The following MEGF8 variants were observed in gnomAD, a reference collection of about 807,000 sequenced individuals.
MEGF8 encodes multiple EGF like domains 8, also known as multiple epidermal growth factor-like domains protein 8.
MEGF8 carries 156 observed loss-of-function variants against 302.9 expected under a neutral mutation model. That is an observed-to-expected ratio of 0.52 (90% CI 0.45 to 0.59). MEGF8 has a LOEUF of 0.59. MEGF8 is among the 20% of genes least tolerant of loss of function. The pLI is 0.00. For synonymous variants in MEGF8, 1,621 were observed against 1,660.5 expected, an observed-to-expected ratio of 0.98 and a Z score of 0.58; for missense variants, 3,345 against 3,964.5, an observed-to-expected ratio of 0.84 and a Z score of 4.20.
chr19:42,370,976 CCAGGCTGGGGT>C, intron 40 of MEGF8, 145 bp downstream of exon 40: 1 of 586,860 alleles, frequency 1.7e-6, no homozygotes, highest in Admixed American at 2.8e-5. Flanking sequence ...CAGGGAGCGC[CCAGGCTGGGGT>C]CAGGGTAGGG....
In MEGF8 at chr19:42,368,376, G is replaced by A. The variant is rs1015897139; in HGVS notation, c.6274-79G>A. Reference sequence around the variant, plus strand: ...CCTCAAAGAGGGTGTGGTCTGGGAAGATACCCAGAATGTGTTTGTTTAAGC... The same window carrying A: ...CCTCAAAGAGGGTGTGGTCTGGGAAAATACCCAGAATGTGTTTGTTTAAGC... On this transcript the variant is annotated intron_variant, in intron 35 of 41. Transcript: ENST00000251268. This position sits in a 1 kb window ranked among gnomAD's most constrained non-coding sequence, Gnocchi z 4.9. The A allele has an allele frequency of 4.4e-5, 57 of 1,281,370 alleles. No individual in the cohort carries two copies. The African/African-American group carries it at 6.7e-4, about 15-fold the overall frequency. The allele number at this position is 1,281,370 out of a possible 1,614,324, so 79.4% of individuals were successfully genotyped here.
intron 1 of MEGF8, among the ~76,000 whole-genome samples, chr19:42,331,568 ATTTCT>A (rs2147442763): frequency 6.7e-6 from 1 of 149,266 alleles, no homozygotes; most frequent in African/African-American, 2.5e-5. Flanking sequence ...CATTGTCAAC[ATTTCT>A]TTTTTTTTTT....
At position 42,350,146 on chromosome 19, in the gene MEGF8, A is replaced by G. The variant is rs780968446; in HGVS notation, c.2500-2A>G. On this transcript the variant is annotated splice_acceptor_variant, in intron 14 of 41. Coordinates refer to ENST00000251268, the MANE Select transcript of MEGF8 (RefSeq NM_001271938.2). LOFTEE classifies it high-confidence loss of function. ...GCTGCCTTCCTGTGACCCCTTCCCC[A>G]GGAGATCTCCTTCTTCTTCCTGGAG... The G allele has an allele frequency of 6.3e-7, 1 of 1,594,858 alleles. No homozygotes were observed. The highest frequency in any genetic ancestry group is 1.1e-5 in the South Asian group (1 of 90,444).
intron 41 of MEGF8, among the ~76,000 whole-genome samples, chr19:42,371,809 A>G (rs11882801): frequency 2.0e-5 from 3 of 152,100 alleles, no homozygotes; most frequent in African/African-American, 7.2e-5. Context: ...TGGGCTGGGC[A>G]TGGTTGCTCA....
chr19:42,357,728 CTTGAATG>C lies in MEGF8; in HGVS notation c.5011+147_5011+153del. On this transcript the variant is annotated intron_variant, in intron 28 of 41. Transcript: ENST00000251268. The surrounding 1 kb of genome is among the most constrained non-coding windows in gnomAD (Gnocchi z 5.2). ...CCCATGCAGATTCTCAGGGCACCCTCTTGAATGTTCAGATTTTCTGACTGTCCTTCCC... is the reference window on the plus strand; with the variant it reads ...CCCATGCAGATTCTCAGGGCACCCTCTTCAGATTTTCTGACTGTCCTTCCC... 1 of 790,042 alleles carries C rather than the reference CTTGAATG, an allele frequency of 1.3e-6. No individual in the cohort carries two copies. The highest frequency in any genetic ancestry group is 2.0e-6 in the Non-Finnish European group (1 of 507,998). The allele number at this position is 790,042 out of a possible 1,614,324, so 48.9% of individuals were successfully genotyped here. A position where few individuals can be genotyped will look rare whatever the true frequency, so the allele number is the denominator to read the frequency against.
intron 40 of MEGF8, 143 bp downstream of exon 40, chr19:42,370,974 G>A (rs1400690306): frequency 3.4e-5 from 20 of 590,446 alleles, no homozygotes; most frequent in Middle Eastern, 4.5e-4. Context: ...CCCAGGGAGC[G>A]CCCAGGCTGG....
chr19:42,335,920 C>T lies in MEGF8; in HGVS notation c.829-11C>T, dbSNP rs568442962. 1.5e-5 allele frequency: 22 copies of T among 1,455,986 alleles called. No homozygotes were observed. In the East Asian group the frequency reaches 2.7e-4, roughly 18 times the overall value. The allele number at this position is 1,455,986 out of a possible 1,614,324, so 90.2% of individuals were successfully genotyped here. A position where few individuals can be genotyped will look rare whatever the true frequency, so the allele number is the denominator to read the frequency against. ...GTGTCTCTACCTCTGTCTCTTTTCT[C>T]TTCCTCACAGGCTGCCCGTCACTCC... On this transcript the variant is annotated splice_polypyrimidine_tract_variant and intron_variant, in intron 5 of 41. Transcript: ENST00000251268.
At chr19:42,362,297 C>A in intron 33 of MEGF8, 84 bp downstream of exon 33, 2 of 1,609,436 alleles carry the variant, frequency 1.2e-6, no homozygotes, top group Non-Finnish European at 1.7e-6. Context: ...GCTGTCCCAC[C>A]CACCCCAGGG....
chr19:42,368,557 CAG>C lies in MEGF8; in HGVS notation c.6377_6378del (p.Gln2126LeufsTer34). On this transcript the variant is annotated frameshift_variant, in exon 36 of 42. Coordinates refer to ENST00000251268, the MANE Select transcript of MEGF8 (RefSeq NM_001271938.2). LOFTEE classifies it high-confidence loss of function. The surrounding 1 kb of genome is among the most constrained non-coding windows in gnomAD (Gnocchi z 4.9). ...SCSLGCAQAT[Q>X]CALCLRRPHC... The stretch of plus-strand genomic sequence containing the variant: ...CTCCCTGGGCTGTGCTCAGGCAACT[CAG>C]TGCGCCTTGTGCCTGCGGCGCCCCC... The C allele has an allele frequency of 6.3e-7, 1 of 1,598,476 alleles. No individual in the cohort carries two copies. Among genetic ancestry groups the C allele is most frequent in the Non-Finnish European group, 8.5e-7 (1 of 1,173,300 alleles).
At position 42,376,736 on chromosome 19, in the gene MEGF8, A is replaced by G; in HGVS notation, c.8499A>G (p.Gly2833=). The G allele has an allele frequency of 6.8e-7, 1 of 1,473,886 alleles. No homozygotes were observed. The highest frequency in any genetic ancestry group is 1.4e-5 in the South Asian group (1 of 73,508). 91.3% of individuals were successfully genotyped at this position (1,473,886 alleles called of 1,614,324 possible). Residue 2833 remains glycine (G), a synonymous_variant, in exon 42 of 42, where the codon GGA becomes GGG. Coordinates refer to ENST00000251268, the MANE Select transcript of MEGF8 (RefSeq NM_001271938.2). The surrounding 1 kb of genome is among the most constrained non-coding windows in gnomAD (Gnocchi z 8.2). ...ATGGGACTGGTGCGGGCCGGAAGGG[A>G]CTGTTGAGCCAGGACAACCTCACCA... The part of the protein sequence containing the change: ...SGHGTGAGRK[G]LLSQDNLTSM...
rs1344311209 is a variant in MEGF8 at position 42,371,482 on chromosome 19, G to A, written c.7269G>A (p.Gln2423=). Residue 2423 remains glutamine (Q), a splice_region_variant and synonymous_variant, in exon 41 of 42, where the codon CAG becomes CAA. Coordinates refer to ENST00000251268, the MANE Select transcript of MEGF8 (RefSeq NM_001271938.2). ...ACCGTCGAGACTGCTACAAGTACCAGGTGCGGCTGCAGAAGCTAGTGGTGG... is the reference window on the plus strand; with the variant it reads ...ACCGTCGAGACTGCTACAAGTACCAAGTGCGGCTGCAGAAGCTAGTGGTGG... ...PSDRRDCYKY[Q]CAKCRESFHG... The A allele has an allele frequency of 6.2e-7, 1 of 1,613,832 alleles. No individual in the cohort carries two copies. The highest frequency in any genetic ancestry group is 8.5e-7 in the Non-Finnish European group (1 of 1,179,878).
rs1171891431 is a variant in MEGF8, at chr19:42,376,637, G to A, written c.8400G>A (p.Gly2800=). ...ATGCACCCAACGGCGCCTGCCTGGG[G>A]TCAGCCCTCGTCACACTGCGGCACA... The part of the protein sequence containing the change: ...GPHAPNGACL[G]SALVTLRHRL... Residue 2800 remains glycine (G), a synonymous_variant, in exon 42 of 42, where the codon GGG becomes GGA. Transcript: ENST00000251268. The surrounding 1 kb of genome is among the most constrained non-coding windows in gnomAD (Gnocchi z 8.2). 1.3e-6 allele frequency: 2 copies of A among 1,540,982 alleles called. No individual in the cohort carries two copies. Among genetic ancestry groups the A allele is most frequent in the Non-Finnish European group, 1.7e-6 (2 of 1,145,480 alleles).
At chr19:42,345,433 G>T (rs935182638) in intron 12 of MEGF8, among the ~76,000 whole-genome samples, 1 of 152,130 alleles carries the variant, frequency 6.6e-6, no homozygotes, top group South Asian at 2.1e-4. Flanking sequence ...TCACTAAGTA[G>T]TCACTCTCTA....
chr19:42,372,813 C>G (rs2039710841), intron 41 of MEGF8, among the ~76,000 whole-genome samples: 1 of 152,024 alleles, frequency 6.6e-6, no homozygotes, highest in South Asian at 2.1e-4. Flanking sequence ...GCTGGGACTA[C>G]AGGCGTGTGC....
rs2039108784 is a variant in MEGF8 at position 42,335,164 on chromosome 19, G to A, written c.688G>A (p.Gly230Arg). ...ARDPAFSARIGAAGAFLSPPG... is the reference protein window; with the variant it reads ...ARDPAFSARIRAAGAFLSPPG... ...GGACCCTGCCTTCTCTGCCCGTATTGGGGCAGCTGGCGCCTTCCTGTCCCC... is the reference window on the plus strand; with the variant it reads ...GGACCCTGCCTTCTCTGCCCGTATTAGGGCAGCTGGCGCCTTCCTGTCCCC... Residue 230 changes from glycine (G) to arginine (R), a missense_variant, in exon 4 of 42, where the codon GGG becomes AGG. Coordinates refer to ENST00000251268, the MANE Select transcript of MEGF8 (RefSeq NM_001271938.2). 8 of 1,613,912 alleles carry A rather than the reference G, an allele frequency of 5.0e-6. No homozygotes were observed. Among genetic ancestry groups the A allele is most frequent in the Non-Finnish European group, 6.8e-6 (8 of 1,179,856 alleles).
chr19:42,351,090 C>A lies in MEGF8; in HGVS notation c.2737-126C>A. The A allele has an allele frequency of 1.2e-6, 1 of 827,740 alleles. No individual in the cohort carries two copies. The highest frequency in any genetic ancestry group is 1.9e-6 in the Non-Finnish European group (1 of 527,208). The allele number at this position is 827,740 out of a possible 1,614,324, so 51.3% of individuals were successfully genotyped here. On this transcript the variant is annotated intron_variant, in intron 15 of 41. Transcript: ENST00000251268. The surrounding 1 kb of genome is among the most constrained non-coding windows in gnomAD (Gnocchi z 5.6). Reference sequence around the variant, plus strand: ...GAAGGGAGGGGTCCAGAGACGCAGGCAGCTGGGGAGGGAGATGGCCTTACA... The same window carrying A: ...GAAGGGAGGGGTCCAGAGACGCAGGAAGCTGGGGAGGGAGATGGCCTTACA...
chr19:42,355,697 T>C (rs1378076673), intron 23 of MEGF8, 61 bp from the exon 24 acceptor site: 1 of 1,491,144 alleles, frequency 6.7e-7, no homozygotes, highest in Non-Finnish European at 9.0e-7. Context: ...TCTTAGCATC[T>C]GGGGGTGGAA....
intron 8 of MEGF8, among the ~76,000 whole-genome samples, chr19:42,339,006 G>A (rs1161313896): frequency 1.3e-5 from 2 of 151,176 alleles, no homozygotes; most frequent in East Asian, 1.9e-4. Context: ...GCTAATTTTT[G>A]TATTTTTAGT....
chr19:42,328,766 T>C (rs905677908), intron 1 of MEGF8, among the ~76,000 whole-genome samples: 1 of 151,866 alleles, frequency 6.6e-6, no homozygotes, highest in Non-Finnish European at 1.5e-5. Context: ...AGAAACCCCC[T>C]CTCTACTAAA....
Sources: gnomAD v4.1 joint callset for allele counts (sites outside exome capture counted in the v4.1 genomes callset) on GRCh38, gnomAD v4.1.1 for gene constraint, Gnocchi (gnomAD v3.1) non-coding constraint, MANE v1.5 for transcripts, NCBI Gene and HGNC (gene_info 2026-07-23, HGNC 2026-07-21) for gene names.